GADL1: variants seen among roughly 807,000 people sequenced by gnomAD.
GADL1 encodes the protein GAD like acidic amino acid decarboxylase 1, also known as acidic amino acid decarboxylase GADL1.
In GADL1, 71 loss-of-function variants were observed where a neutral mutation model predicts 69.5. The ratio of observed to expected loss-of-function variants is 1.02; its 90% CI spans 0.84 to 1.25. The LOEUF (loss-of-function observed/expected upper bound fraction) is 1.25. GADL1 is among the 50% of genes most tolerant of loss of function. The pLI is 0.00. For synonymous variants in GADL1, 254 were observed against 214.4 expected (o/e 1.18, Z -1.62); for missense variants, 737 against 631.8 (o/e 1.17, Z -1.79).
intron 14 of GADL1, among the ~76,000 whole-genome samples, chr3:30,751,523 T>C (rs930007890): frequency 1.3e-5 from 2 of 151,490 alleles, no homozygotes; most frequent in African/African-American, 4.9e-5. Flanking sequence ...GTAATGCTAT[T>C]TGCCTATGAA....
intron 14 of GADL1, among the ~76,000 whole-genome samples, chr3:30,752,955 A>G (rs1464458308): frequency 8.3e-6 from 1 of 120,816 alleles, no homozygotes; most frequent in African/African-American, 3.4e-5. Context: ...TCGTTTTTTA[A>G]CTTGGTTTTG....
intron 14 of GADL1, among the ~76,000 whole-genome samples, chr3:30,760,514 A>G (rs1312263189): frequency 2.6e-5 from 4 of 151,974 alleles, no homozygotes; most frequent in South Asian, 2.1e-4. Context: ...AACTCTCCAA[A>G]CCACATCCAG....
At chr3:30,769,707 CTG>C (rs774363645) in intron 14 of GADL1, among the ~76,000 whole-genome samples, 17 of 152,330 alleles carry the variant, frequency 1.1e-4, no homozygotes, top group Non-Finnish European at 1.6e-4. Context: ...TATGTCTAAA[CTG>C]TGTTGCCACA....
intron 14 of GADL1, among the ~76,000 whole-genome samples, chr3:30,729,554 G>T (rs573634320): frequency 6.6e-6 from 1 of 152,206 alleles, no homozygotes; most frequent in Non-Finnish European, 1.5e-5. Flanking sequence ...CATGAATCTG[G>T]GTTCCCACGA....
At chr3:30,761,422 T>G (rs1696128299) in intron 14 of GADL1, among the ~76,000 whole-genome samples, 1 of 152,170 alleles carries the variant, frequency 6.6e-6, no homozygotes, top group African/African-American at 2.4e-5. Flanking sequence ...GCACCCAGTG[T>G]CGGTGGCGCA....
At chr3:30,844,930 T>C (rs1362049816) in intron 6 of GADL1, among the ~76,000 whole-genome samples, 1 of 152,184 alleles carries the variant, frequency 6.6e-6, no homozygotes, top group Non-Finnish European at 1.5e-5. Flanking sequence ...TTAGTATTAA[T>C]GGAAACTTAG....
In GADL1 at chr3:30,772,857, CAG is replaced by C. The variant is rs1364487341; in HGVS notation, c.1392+5320_1392+5321del. Among the ~76,000 whole-genome samples, 14 of 152,290 alleles carry C rather than the reference CAG, an allele frequency of 9.2e-5. No individual in the cohort carries two copies. In the East Asian group the frequency reaches 2.3e-3, roughly 25 times the overall value. ...TGCCACTGCACTCCAGCCCAGGTGACAGAGTGAGACTCTGTCTTAACAAAACA... is the reference window on the plus strand; with the variant it reads ...TGCCACTGCACTCCAGCCCAGGTGACAGTGAGACTCTGTCTTAACAAAACA... On this transcript the variant is annotated intron_variant, in intron 14 of 14. Coordinates refer to ENST00000282538, the MANE Select transcript of GADL1 (RefSeq NM_207359.3).
rs150132308 is a variant in GADL1 at position 30,837,765 on chromosome 3, TATC to T, written c.903+1229_903+1231del. On this transcript the variant is annotated intron_variant, in intron 9 of 14. Transcript: ENST00000282538. ...AGTTACAAAAATGCTCACTTCATATTATCTTTTAGGATATAATGTATTGTTATG... is the reference window on the plus strand; with the variant it reads ...AGTTACAAAAATGCTCACTTCATATTTTTTAGGATATAATGTATTGTTATG... 9.6e-3 allele frequency among the ~76,000 whole-genome samples: 1,461 copies of T among 152,280 alleles called. 77 individuals carry two copies. The East Asian group carries it at 0.19, about 19-fold the overall frequency.
At position 30,884,469 on chromosome 3, in the gene GADL1, G is replaced by A. The variant is rs549153064; in HGVS notation, c.37+10109C>T. Among the ~76,000 whole-genome samples the A allele has an allele frequency of 5.5e-4, 84 of 152,032 alleles. 2 individuals are homozygous for A. The South Asian group carries it at 0.017, about 30-fold the overall frequency. ...TCAGTTCCCTAAATCCACGAGAGATGGAATCTGAGCACAGGTTCAGGAAGT... is the reference window on the plus strand; with the variant it reads ...TCAGTTCCCTAAATCCACGAGAGATAGAATCTGAGCACAGGTTCAGGAAGT... On this transcript the variant is annotated intron_variant, in intron 1 of 14. Transcript: ENST00000282538.
chr3:30,745,297 G>T (rs545745208), intron 14 of GADL1, among the ~76,000 whole-genome samples: 15 of 152,218 alleles, frequency 9.9e-5, no homozygotes, highest in African/African-American at 3.6e-4. Flanking sequence ...GACATTTGCC[G>T]AGCAATTCAA....
chr3:30,833,852 C>A lies in GADL1; in HGVS notation c.1050+1G>T, dbSNP rs1168765044. The A allele has an allele frequency of 3.1e-6, 5 of 1,609,830 alleles. No individual in the cohort carries two copies. Among genetic ancestry groups the A allele is most frequent in the East Asian group, 2.2e-5 (1 of 44,768 alleles). Reference sequence around the variant, plus strand: ...CAAAGGACCACAAGAGGAAAACTTACAGATTTGTCTTTCACAAGGAGAGCA... The same window carrying A: ...CAAAGGACCACAAGAGGAAAACTTAAAGATTTGTCTTTCACAAGGAGAGCA... On this transcript the variant is annotated splice_donor_variant, in intron 11 of 14. Coordinates refer to ENST00000282538, the MANE Select transcript of GADL1 (RefSeq NM_207359.3). LOFTEE classifies it high-confidence loss of function.
rs1021198693 is a variant in GADL1, at chr3:30,808,263, A to G, written c.1051-7175T>C. Among the ~76,000 whole-genome samples, 4 of 152,194 alleles carry G rather than the reference A, an allele frequency of 2.6e-5. No individual in the cohort carries two copies. The East Asian group carries it at 7.8e-4, about 30-fold the overall frequency. ...GTAATCCCAGCACTTTGGGAGGCCG[A>G]GGTGGGCAGATCACTTGAGGTCAGG... On this transcript the variant is annotated intron_variant, in intron 11 of 14. Coordinates refer to ENST00000282538, the MANE Select transcript of GADL1 (RefSeq NM_207359.3).
At chr3:30,810,121 C>T (rs1697323847) in intron 11 of GADL1, among the ~76,000 whole-genome samples, 2 of 152,106 alleles carry the variant, frequency 1.3e-5, no homozygotes, top group Non-Finnish European at 2.9e-5. Flanking sequence ...ATCTCCTTTC[C>T]TCGAGTTTAT....
intron 13 of GADL1, among the ~76,000 whole-genome samples, chr3:30,782,595 G>A (rs1696689568): frequency 6.6e-6 from 1 of 152,210 alleles, no homozygotes; most frequent in East Asian, 1.9e-4. Context: ...CAAAGGCCTG[G>A]AGTTTAGGAG....
intron 14 of GADL1, among the ~76,000 whole-genome samples, chr3:30,772,779 G>A (rs1362968121): frequency 6.6e-6 from 1 of 152,176 alleles, no homozygotes; most frequent in Non-Finnish European, 1.5e-5. Context: ...GGGAGGCTGA[G>A]GCAGGAGAAT....
At chr3:30,802,325 G>C (rs1697180504) in intron 11 of GADL1, among the ~76,000 whole-genome samples, 1 of 152,164 alleles carries the variant, frequency 6.6e-6, no homozygotes, top group Non-Finnish European at 1.5e-5. Context: ...TTAACACTGT[G>C]CTGGGCACAG....
At chr3:30,834,760 G>A (rs573747051) in intron 9 of GADL1, among the ~76,000 whole-genome samples, 1 of 152,152 alleles carries the variant, frequency 6.6e-6, no homozygotes, top group Non-Finnish European at 1.5e-5. Context: ...TGAAAAATTA[G>A]ATCATTTTAG....
intron 14 of GADL1, 78 bp from the exon 15 acceptor site, chr3:30,728,493 G>T: frequency 8.8e-7 from 1 of 1,137,326 alleles, no homozygotes; most frequent in Non-Finnish European, 1.3e-6. Context: ...CCAGCCATTG[G>T]ACATTTACTG....
At chr3:30,780,626 GT>G (rs879568196) in intron 13 of GADL1, among the ~76,000 whole-genome samples, 12 of 152,108 alleles carry the variant, frequency 7.9e-5, no homozygotes, top group African/African-American at 2.2e-4. Flanking sequence ...TTACAAAACA[GT>G]TTACGATGTT....
Sources: gnomAD v4.1 joint callset for allele counts (sites outside exome capture counted in the v4.1 genomes callset) on GRCh38, gnomAD v4.1.1 for gene constraint, MANE v1.5 for transcripts, NCBI Gene and HGNC (gene_info 2026-07-23, HGNC 2026-07-21) for gene names.